MTUS1: variants seen among roughly 807,000 people sequenced by gnomAD.
MTUS1 encodes microtubule-associated tumor suppressor 1.
A neutral mutation model predicts 120.8 loss-of-function variants in MTUS1; 109 were observed. That is an observed-to-expected ratio of 0.90 (90% CI 0.77 to 1.06). The LOEUF is 1.06. MTUS1 is among the 50% of genes least tolerant of loss of function. The pLI is 0.00. For missense variants in MTUS1, 2,210 were observed against 1,486.3 expected (o/e 1.49, Z -8.01); for synonymous variants, 737 against 550.5 (o/e 1.34, Z -4.74).
chr8:17,703,070 T>C (rs975146511), intron 6 of MTUS1, among the ~76,000 whole-genome samples: 1 of 152,188 alleles, frequency 6.6e-6, no homozygotes, highest in Non-Finnish European at 1.5e-5. Context: ...TTGAACAATA[T>C]GAAATCAGTG....
intron 3 of MTUS1, chr8:17,724,274 C>A (rs980517089): frequency 8.2e-6 from 2 of 243,992 alleles, no homozygotes; most frequent in Non-Finnish European, 1.6e-5. Flanking sequence ...GAACCAAGTC[C>A]AAATACATCT....
intron 2 of MTUS1, among the ~76,000 whole-genome samples, chr8:17,746,413 A>T (rs570534810): frequency 6.6e-6 from 1 of 152,334 alleles, no homozygotes; most frequent in African/African-American, 2.4e-5. Context: ...TAATTTATAA[A>T]GAAAAAGCAG....
chr8:17,653,211 C>T lies in MTUS1; in HGVS notation c.3359G>A (p.Arg1120Lys). 1.9e-6 allele frequency: 3 copies of T among 1,549,710 alleles called. No homozygotes were observed. The highest frequency in any genetic ancestry group is 1.7e-6 in the Non-Finnish European group (2 of 1,152,014). Reference protein sequence around the residue: ...NEKLKSEEQKRRAREKANLKN... With the variant: ...NEKLKSEEQKKRAREKANLKN... ...CAAATTTGCTTTTTCTCTTGCTCTTCTTTTTTGTTCTTCTGATTTCAATTT... is the reference window on the plus strand; with the variant it reads ...CAAATTTGCTTTTTCTCTTGCTCTTTTTTTTTGTTCTTCTGATTTCAATTT... Residue 1120 changes from arginine (R) to lysine (K), a missense_variant, in exon 12 of 15, where the codon AGA becomes AAA. Transcript: ENST00000693296.
intron 12 of MTUS1, chr8:17,651,745 G>C (rs765475693): frequency 6.6e-6 from 1 of 152,070 alleles, no homozygotes; most frequent in Non-Finnish European, 1.5e-5. Flanking sequence ...TGACAGAAGC[G>C]GTTGGATGCT....
At chr8:17,686,840 A>C (rs1307867663) in intron 6 of MTUS1, among the ~76,000 whole-genome samples, 1 of 152,214 alleles carries the variant, frequency 6.6e-6, no homozygotes, top group African/African-American at 2.4e-5. Context: ...GACAGCTAAA[A>C]AGTATCCTGA....
At chr8:17,678,809 C>G (rs1361903126) in intron 7 of MTUS1, among the ~76,000 whole-genome samples, 1 of 151,174 alleles carries the variant, frequency 6.6e-6, no homozygotes. Context: ...GGAGGGTGAC[C>G]TCAGCCCTGT....
Position 17,753,823 on chromosome 8 carries a change from A to C in MTUS1, c.1985T>G (p.Ile662Ser), listed in dbSNP as rs748631299. Residue 662 changes from isoleucine to serine, a missense_variant, in exon 2 of 15, where the codon ATT (isoleucine) becomes AGT (serine). Coordinates refer to ENST00000693296, the MANE Select transcript of MTUS1 (RefSeq NM_001363059.2). ...EMTYVPNIDR[I>S]SPEKKGEKEN... Reference sequence around the variant, plus strand: ...TTTTTCACCCTTCTTTTCAGGGCTAATCCTATCAATGTTGGGAACATAGGT... The same window carrying C: ...TTTTTCACCCTTCTTTTCAGGGCTACTCCTATCAATGTTGGGAACATAGGT... The C allele has an allele frequency of 6.2e-7, 1 of 1,614,108 alleles. No homozygotes were observed. The highest frequency in any genetic ancestry group is 8.5e-7 in the Non-Finnish European group (1 of 1,179,986).
intron 1 of MTUS1, among the ~76,000 whole-genome samples, chr8:17,787,973 T>A (rs995451704): frequency 6.6e-6 from 1 of 152,080 alleles, no homozygotes; most frequent in African/African-American, 2.4e-5. Context: ...TACAAAAAAT[T>A]AGCTGGGCGT....
At chr8:17,737,671 A>C (rs1273100074) in intron 3 of MTUS1, among the ~76,000 whole-genome samples, 1 of 152,148 alleles carries the variant, frequency 6.6e-6, no homozygotes, top group African/African-American at 2.4e-5. Flanking sequence ...ATGTTTTGTA[A>C]AGACAGGGTC....
intron 6 of MTUS1, among the ~76,000 whole-genome samples, chr8:17,703,434 C>A (rs1819507838): frequency 6.6e-6 from 1 of 151,964 alleles, no homozygotes. Flanking sequence ...GAGATCGAGA[C>A]CATCCTGGTT....
chr8:17,763,278 C>G (rs1317494874), intron 1 of MTUS1, among the ~76,000 whole-genome samples: 1 of 152,202 alleles, frequency 6.6e-6, no homozygotes, highest in Non-Finnish European at 1.5e-5. Context: ...GCGTGAGCCA[C>G]CACGCCTGGC....
At chr8:17,651,106 A>G (rs1806887619) in intron 12 of MTUS1, among the ~76,000 whole-genome samples, 1 of 150,692 alleles carries the variant, frequency 6.6e-6, no homozygotes, top group African/African-American at 2.4e-5. Context: ...AGAGCTGGAA[A>G]GGGTCAGGGC....
rs2049097037 is a variant in MTUS1 at position 17,762,208 on chromosome 8, G to A, written c.-154-6247C>T. Among the ~76,000 whole-genome samples, 7 of 152,206 alleles carry A rather than the reference G, an allele frequency of 4.6e-5. No individual in the cohort carries two copies. The South Asian group carries it at 1.5e-3, about 32-fold the overall frequency. On this transcript the variant is annotated intron_variant, in intron 1 of 14. Transcript: ENST00000693296. ...GCAGGAGAATCACTGGAACTCAGGA[G>A]GCGGAGGTCGCAGTGAGCCGAGATC... is the stretch of plus-strand genomic sequence containing the variant.
intron 1 of MTUS1, among the ~76,000 whole-genome samples, chr8:17,762,038 G>C (rs984552648): frequency 6.6e-6 from 1 of 152,152 alleles, no homozygotes; most frequent in African/African-American, 2.4e-5. Context: ...CCAAGACTTT[G>C]GGAAGCCGAG....
chr8:17,729,125 A>G (rs752733892), intron 3 of MTUS1, among the ~76,000 whole-genome samples: 8 of 152,222 alleles, frequency 5.3e-5, no homozygotes, highest in African/African-American at 1.4e-4. Context: ...CTATAATTAT[A>G]TAACTTGGGT....
chr8:17,644,309 T>G lies in MTUS1; in HGVS notation c.*1617A>C, dbSNP rs548366332. 1 of 152,668 alleles carries G rather than the reference T, an allele frequency of 6.6e-6. No homozygotes were observed. Among genetic ancestry groups the G allele is most frequent in the African/African-American group, 2.4e-5 (1 of 41,464 alleles). The allele number at this position is 152,668 out of a possible 1,614,324, so 9.5% of individuals were successfully genotyped here. ...ATGCAACATGAGTATCAACTTGCTA[T>G]GTAGTGTACATGTAAATGACCCAAA... On this transcript the variant is annotated 3_prime_UTR_variant, in exon 15 of 15. Transcript: ENST00000693296.
chr8:17,729,882 G>A (rs2046443933), intron 3 of MTUS1, among the ~76,000 whole-genome samples: 1 of 150,456 alleles, frequency 6.6e-6, no homozygotes, highest in African/African-American at 2.4e-5. Flanking sequence ...ACAACAAATA[G>A]CCCAGAGGCA....
intron 2 of MTUS1, among the ~76,000 whole-genome samples, chr8:17,752,256 G>A (rs2048256983): frequency 6.6e-6 from 1 of 151,802 alleles, no homozygotes. Flanking sequence ...TGGTAGCTGG[G>A]GACTGACACA....
At chr8:17,674,217 G>C (rs28660237) in intron 8 of MTUS1, among the ~76,000 whole-genome samples, 95,427 of 151,686 alleles carry the variant, frequency 0.63, 30,971 homozygotes, top group East Asian at 0.82. Flanking sequence ...GTCAAGAGAT[G>C]GAGACCCTCC....
Sources: gnomAD v4.1 joint callset for allele counts (sites outside exome capture counted in the v4.1 genomes callset) on GRCh38, gnomAD v4.1.1 for gene constraint, MANE v1.5 for transcripts, NCBI Gene and HGNC (gene_info 2026-07-23, HGNC 2026-07-21) for gene names.